GON4L: variants seen among roughly 807,000 people sequenced by gnomAD.
GON4L encodes the protein gon-4 like.
In GON4L, 87 loss-of-function variants were observed where a neutral mutation model predicts 211.8. The ratio of observed to expected loss-of-function variants is 0.41; its 90% CI spans 0.35 to 0.49. The LOEUF (loss-of-function observed/expected upper bound fraction) is 0.49. GON4L is among the 20% of genes least tolerant of loss of function. GON4L has a pLI of 0.15. For synonymous variants in GON4L, 875 were observed against 962.6 expected, an observed-to-expected ratio of 0.91 and a Z score of 1.68; for missense variants, 2,155 against 2,659.5, an observed-to-expected ratio of 0.81 and a Z score of 4.17.
intron 10 of GON4L, 116 bp downstream of exon 10, chr1:155,813,518 A>C: frequency 1.3e-6 from 1 of 797,348 alleles, no homozygotes; most frequent in Non-Finnish European, 2.1e-6. Context: ...AAAGTATCAA[A>C]GACTAACTCT....
Position 155,775,054 on chromosome 1 carries a change from G to T in GON4L, c.2298C>A (p.Phe766Leu), listed in dbSNP as rs1663638277. ...TGCAGTCAATGCTGACATGTGTGCT[G>T]AAGTCTTCAATCAGCTGCATAGCTC... Reference protein sequence around the residue: ...LMGAMQLIEDFSTHVSIDCSP... With the variant: ...LMGAMQLIEDLSTHVSIDCSP... Residue 766 changes from phenylalanine to leucine, a missense_variant, in exon 17 of 32, where the codon TTC (phenylalanine) becomes TTA (leucine). Around this residue, in one of 6 missense-constraint regions of GON4L, gnomAD observed 551 missense variants for 854.0 expected, o/e 0.65. Transcript: ENST00000368331. 1.9e-6 allele frequency: 3 copies of T among 1,613,142 alleles called. No individual in the cohort carries two copies.
intron 2 of GON4L, among the ~76,000 whole-genome samples, chr1:155,836,494 C>G (rs183572736): frequency 1.4e-4 from 22 of 152,300 alleles, no homozygotes; most frequent in African/African-American, 5.3e-4. Flanking sequence ...GTGATCCCCC[C>G]GCCTCGGCCT....
chr1:155,812,272 C>G (rs1389847646), intron 10 of GON4L, among the ~76,000 whole-genome samples: 2 of 151,904 alleles, frequency 1.3e-5, no homozygotes, highest in Non-Finnish European at 2.9e-5. Flanking sequence ...AGTGCAAAAC[C>G]TGAATCTAAG....
rs758268373 is a variant in GON4L, at chr1:155,813,792, T to A, written c.1294A>T (p.Thr432Ser). 3 of 1,613,696 alleles carry A rather than the reference T, an allele frequency of 1.9e-6. No homozygotes were observed. Among genetic ancestry groups the A allele is most frequent in the Non-Finnish European group, 2.5e-6 (3 of 1,179,822 alleles). Residue 432 changes from threonine (T) to serine (S), a missense_variant, in exon 10 of 32, where the codon ACC becomes TCC. Around this residue, in one of 6 missense-constraint regions of GON4L, gnomAD observed 551 missense variants for 854.0 expected, o/e 0.65. Transcript: ENST00000368331. The part of the protein sequence containing the change: ...SGILSEAEKV[T>S]TPAIRHISAE... ...CTGATGTGCCTGATGGCTGGTGTGG[T>A]GACTTTCTCAGCCTGATTAAAAGAG... is the stretch of plus-strand genomic sequence containing the variant.
At chr1:155,755,506 C>T (rs566452934) in intron 27 of GON4L, among the ~76,000 whole-genome samples, 4 of 152,168 alleles carry the variant, frequency 2.6e-5, no homozygotes, top group South Asian at 2.1e-4. Context: ...CCACCACGCC[C>T]GGACCCCATC....
intron 11 of GON4L, among the ~76,000 whole-genome samples, chr1:155,803,081 A>G (rs1281577288): frequency 1.3e-5 from 2 of 152,178 alleles, no homozygotes; most frequent in Non-Finnish European, 2.9e-5. Context: ...TTCTAGCACA[A>G]TGCCTTGTAT....
chr1:155,790,274 A>C (rs1030061776), intron 12 of GON4L, among the ~76,000 whole-genome samples: 7 of 151,156 alleles, frequency 4.6e-5, no homozygotes, highest in Non-Finnish European at 1.0e-4. Flanking sequence ...TAATTTTTGT[A>C]TTTATAGTAG....
intron 12 of GON4L, among the ~76,000 whole-genome samples, chr1:155,786,199 T>TAGAG (rs933486445): frequency 3.3e-5 from 5 of 151,262 alleles, no homozygotes; most frequent in Non-Finnish European, 5.9e-5. Flanking sequence ...GAAAGAGAGA[T>TAGAG]AGAGAGAGAG....
intron 2 of GON4L, among the ~76,000 whole-genome samples, chr1:155,851,649 G>C (rs13376121): frequency 0.065 from 9,859 of 151,848 alleles, 389 homozygotes; most frequent in African/African-American, 0.11. Flanking sequence ...AGGGGAGGTG[G>C]AGGTTGCAGT....
Position 155,754,383 on chromosome 1 carries a change from T to C in GON4L, c.5623A>G (p.Ser1875Gly). Residue 1875 changes from serine (S) to glycine (G), a missense_variant, in exon 28 of 32, where the codon AGC becomes GGC. Coordinates refer to ENST00000368331, the MANE Select transcript of GON4L (RefSeq NM_001282860.2). Reference sequence around the variant, plus strand: ...CTTGATACTTTCCTCACCTTGCTGCTACAGTGGCTACAGCTCCGCCTTTTG... The same window carrying C: ...CTTGATACTTTCCTCACCTTGCTGCCACAGTGGCTACAGCTCCGCCTTTTG... ...KSKRRSCSHC[S>G]SKVCDSKSYK... 1 of 1,599,788 alleles carries C rather than the reference T, an allele frequency of 6.3e-7. No homozygotes were observed. The highest frequency in any genetic ancestry group is 1.1e-5 in the South Asian group (1 of 90,824).
intron 2 of GON4L, among the ~76,000 whole-genome samples, chr1:155,833,646 C>CAAA (rs59340708): frequency 6.1e-5 from 1 of 16,404 alleles, no homozygotes; most frequent in African/African-American, 3.1e-4. Context: ...ACTCTGTCTC[C>CAAA]AAAAAAAAAA....
chr1:155,762,763 C>A (rs1201523700), intron 22 of GON4L, among the ~76,000 whole-genome samples: 1 of 152,218 alleles, frequency 6.6e-6, no homozygotes, highest in African/African-American at 2.4e-5. Flanking sequence ...AACTGCCAGG[C>A]ACAGTGGCTC....
At chr1:155,850,696 G>A (rs1028570876) in intron 2 of GON4L, among the ~76,000 whole-genome samples, 3 of 152,012 alleles carry the variant, frequency 2.0e-5, no homozygotes, top group African/African-American at 4.8e-5. Flanking sequence ...TGTACCAGTA[G>A]GACAAAATAA....
At chr1:155,821,665 T>A (rs1310644013) in intron 4 of GON4L, 117 bp from the exon 5 acceptor site, 2 of 704,480 alleles carry the variant, frequency 2.8e-6, no homozygotes, top group Non-Finnish European at 5.2e-6. Context: ...TATACTCGAA[T>A]AGCATCAGAC....
chr1:155,858,680 A>T (rs1571967539), upstream of GON4L, among the ~76,000 whole-genome samples: 2 of 110,418 alleles, frequency 1.8e-5, no homozygotes, highest in Admixed American at 1.0e-4. Flanking sequence ...CACAATATCC[A>T]TCTGTTTTAC....
At chr1:155,773,300 G>A (rs1014429444) in intron 17 of GON4L, 90 bp from the exon 18 acceptor site, 2 of 1,471,018 alleles carry the variant, frequency 1.4e-6, no homozygotes, top group African/African-American at 2.8e-5. Flanking sequence ...ATTTAGGTAG[G>A]AGCTATCCTT....
intron 10 of GON4L, among the ~76,000 whole-genome samples, chr1:155,806,328 T>A (rs1365207936): frequency 2.0e-5 from 3 of 151,876 alleles, no homozygotes; most frequent in Non-Finnish European, 2.9e-5. Flanking sequence ...AATTTTTGTA[T>A]TTTTAGTAGA....
chr1:155,750,940 T>G (rs1660513059), intron 31 of GON4L, among the ~76,000 whole-genome samples: 1 of 152,036 alleles, frequency 6.6e-6, no homozygotes, highest in Non-Finnish European at 1.5e-5. Context: ...GTTTTTATAT[T>G]TTTAGTAGAG....
At chr1:155,750,863 A>T in intron 31 of GON4L, 130 bp from the exon 32 acceptor site, 1 of 821,838 alleles carries the variant, frequency 1.2e-6, no homozygotes, top group Non-Finnish European at 2.0e-6. Context: ...TCCTGGGTTC[A>T]AGCAATTCTC....
Sources: gnomAD v4.1 joint callset for allele counts (sites outside exome capture counted in the v4.1 genomes callset) on GRCh38, gnomAD v4.1.1 for gene constraint, gnomAD v4.1.1 regional missense constraint, MANE v1.5 for transcripts, NCBI Gene and HGNC (gene_info 2026-07-23, HGNC 2026-07-21) for gene names.